DNAH8: variants seen among roughly 807,000 people sequenced by gnomAD.
DNAH8 encodes the protein dynein axonemal heavy chain 8.
In DNAH8, 382 loss-of-function variants were observed where a neutral mutation model predicts 562.1. That is an observed-to-expected ratio of 0.68 (90% confidence interval 0.63 to 0.74). The LOEUF (loss-of-function observed/expected upper bound fraction) is 0.74. Ranked by LOEUF, DNAH8 falls within the 30% of genes least tolerant of loss-of-function variation. DNAH8 has a pLI of 0.00. For missense variants in DNAH8, 5,203 were observed against 5,620.4 expected, an observed-to-expected ratio of 0.93 and a Z score of 2.37; for synonymous variants, 1,881 against 1,919.4, an observed-to-expected ratio of 0.98 and a Z score of 0.52.
In DNAH8 at chr6:38,912,527, T is replaced by A. The variant is rs144583198; in HGVS notation, c.9859+941T>A. On this transcript the variant is annotated intron_variant, in intron 66 of 92. Transcript: ENST00000327475. ...CATAACAGCGCCAAGGTCTGTGAAG[T>A]CATAGTTATGAGAGAAGACTGTGAA... Among the ~76,000 whole-genome samples, 25 of 152,246 alleles carry A rather than the reference T, an allele frequency of 1.6e-4. No individual in the cohort carries two copies. The East Asian group carries it at 4.6e-3, about 28-fold the overall frequency.
chr6:38,882,127 C>A (rs9357288), intron 53 of DNAH8, among the ~76,000 whole-genome samples: 43,102 of 152,006 alleles, frequency 0.28, 7,226 homozygotes, highest in East Asian at 0.81. Context: ...TAAATTAGTG[C>A]AGCCATTACG....
At chr6:38,992,334 C>T (rs1179834147) in intron 88 of DNAH8, among the ~76,000 whole-genome samples, 1 of 152,208 alleles carries the variant, frequency 6.6e-6, no homozygotes, top group East Asian at 1.9e-4. Flanking sequence ...ATAAGTTCCA[C>T]TACACCTGAA....
At chr6:38,851,336 G>C (rs182886288) in intron 38 of DNAH8, among the ~76,000 whole-genome samples, 1 of 152,188 alleles carries the variant, frequency 6.6e-6, no homozygotes, top group Non-Finnish European at 1.5e-5. Flanking sequence ...TGATGAGAAA[G>C]GAGAGGACAG....
rs751210553 is a variant in DNAH8, at chr6:38,737,912, C to G, written c.1056C>G (p.Asn352Lys). 2.1e-5 allele frequency: 34 copies of G among 1,608,174 alleles called. No homozygotes were observed. The highest frequency in any genetic ancestry group is 2.9e-5 in the Non-Finnish European group (34 of 1,177,734). ...TFEEVTAAAS[N>K]SETVHQLEEV... Reference sequence around the variant, plus strand: ...AAGAAGTAACTGCTGCAGCCAGCAACTCAGAAACTGTTCATCAGCTGGAGG... The same window carrying G: ...AAGAAGTAACTGCTGCAGCCAGCAAGTCAGAAACTGTTCATCAGCTGGAGG... The change falls in exon 7 of 93, where the codon AAC becomes AAG. Residue 352 changes from asparagine (N) to lysine (K), a missense_variant. Transcript: ENST00000327475.
At chr6:38,889,039 T>C (rs1332381896) in intron 57 of DNAH8, among the ~76,000 whole-genome samples, 2 of 152,234 alleles carry the variant, frequency 1.3e-5, no homozygotes, top group Non-Finnish European at 2.9e-5. Context: ...CCATCTGTAG[T>C]TGATTTTGCA....
chr6:38,924,495 A>T (rs2150562643), intron 73 of DNAH8, among the ~76,000 whole-genome samples: 1 of 147,260 alleles, frequency 6.8e-6, no homozygotes, highest in African/African-American at 2.4e-5. Flanking sequence ...CAAGAGAGAA[A>T]CTCCATCCCC....
intron 72 of DNAH8, 102 bp downstream of exon 72, chr6:38,923,287 A>T: frequency 7.1e-7 from 1 of 1,411,514 alleles, no homozygotes; most frequent in Non-Finnish European, 9.6e-7. Context: ...CATCTATGAC[A>T]GTGCTTGCAA....
At chr6:38,826,613 T>G (rs1384628046) in intron 29 of DNAH8, among the ~76,000 whole-genome samples, 1 of 152,164 alleles carries the variant, frequency 6.6e-6, no homozygotes, top group Non-Finnish European at 1.5e-5. Context: ...GTTAATATAT[T>G]AATAATGCTA....
rs143694274 is a variant in DNAH8 at position 39,019,363 on chromosome 6, ACT to A, written c.13714+6731_13714+6732del. ...AGGGCATTCCCATTTGATGCTTTCT[ACT>A]CTCTGTCTGAAGCAGGAGGTGAGGT... On this transcript the variant is annotated intron_variant, in intron 91 of 92. Transcript: ENST00000327475. 5.1e-3 allele frequency among the ~76,000 whole-genome samples: 781 copies of A among 152,246 alleles called. 5 individuals carry two copies. The highest frequency in any genetic ancestry group is 0.018 in the African/African-American group (736 of 41,546).
At position 38,929,701 on chromosome 6, in the gene DNAH8, G is replaced by GAA; in HGVS notation, c.11274+37_11274+38dup. 3 of 1,376,586 alleles carry GAA rather than the reference G, an allele frequency of 2.2e-6. No individual in the cohort carries two copies. The South Asian group carries it at 5.0e-5, about 23-fold the overall frequency. 85.3% of individuals were successfully genotyped at this position (1,376,586 alleles called of 1,614,324 possible). ...GTAAAAAAAAAAAAAAAGAAAGAAA[G>GAA]AAAGAAAAGAAAAAGAAAAAAAGAA... On this transcript the variant is annotated intron_variant, in intron 75 of 92. Transcript: ENST00000327475.
chr6:38,810,770 T>A lies in DNAH8; in HGVS notation c.3257+3054T>A, dbSNP rs74327272. Among the ~76,000 whole-genome samples, 439 of 152,292 alleles carry A rather than the reference T, an allele frequency of 2.9e-3. 5 individuals are homozygous for A. The South Asian group carries it at 0.037, about 13-fold the overall frequency. Reference sequence around the variant, plus strand: ...AAAATAATATATTAAAATAATTTATTTACTGGCATAATTTATTAAAATCTC... The same window carrying A: ...AAAATAATATATTAAAATAATTTATATACTGGCATAATTTATTAAAATCTC... On this transcript the variant is annotated intron_variant, in intron 24 of 92. Coordinates refer to ENST00000327475, the MANE Select transcript of DNAH8 (RefSeq NM_001206927.2).
At chr6:38,880,398 T>C (rs1778382292) in intron 53 of DNAH8, among the ~76,000 whole-genome samples, 1 of 152,136 alleles carries the variant, frequency 6.6e-6, no homozygotes, top group East Asian at 1.9e-4. Context: ...ATTTAAACAT[T>C]ATTTAAAGAT....
chr6:38,780,875 G>A (rs370845827), intron 15 of DNAH8, among the ~76,000 whole-genome samples: 9 of 151,938 alleles, frequency 5.9e-5, no homozygotes, highest in South Asian at 2.1e-4. Flanking sequence ...TATTGCCCCC[G>A]TTTTCTGGTG....
At chr6:38,978,098 G>A (rs1267379511) in intron 85 of DNAH8, among the ~76,000 whole-genome samples, 1 of 152,188 alleles carries the variant, frequency 6.6e-6, no homozygotes, top group Non-Finnish European at 1.5e-5. Flanking sequence ...ACATTGAACT[G>A]CGTATTTCTT....
intron 82 of DNAH8, among the ~76,000 whole-genome samples, chr6:38,969,593 C>T (rs894760795): frequency 6.6e-6 from 1 of 150,658 alleles, no homozygotes; most frequent in Non-Finnish European, 1.5e-5. Flanking sequence ...GGGAGTGAGT[C>T]TGGAACTCTG....
In DNAH8 at chr6:38,894,879, A is replaced by G. The variant is rs901881796; in HGVS notation, c.8747+15A>G. ...ATTGCAGACAGGTGCGTGTTGCGGC[A>G]CTAGAGTTTAAATGTATGACCTGAG... On this transcript the variant is annotated intron_variant, in intron 59 of 92. Transcript: ENST00000327475. The G allele has an allele frequency of 6.2e-7, 1 of 1,607,170 alleles. No homozygotes were observed. Among genetic ancestry groups the G allele is most frequent in the African/African-American group, 1.3e-5 (1 of 74,760 alleles).
Position 38,829,422 on chromosome 6 carries a change from A to C in DNAH8, c.4188+1134A>C, listed in dbSNP as rs574557225. On this transcript the variant is annotated intron_variant, in intron 30 of 92. Coordinates refer to ENST00000327475, the MANE Select transcript of DNAH8 (RefSeq NM_001206927.2). ...AAACCATTGCCCAATCTAGAGTTAC[A>C]AAGATTTACTGCCATGTTTTCTTAT... Among the ~76,000 whole-genome samples the C allele has an allele frequency of 1.8e-3, 279 of 152,308 alleles. 1 individual carries two copies. Among genetic ancestry groups the C allele is most frequent in the African/African-American group, 6.4e-3 (266 of 41,586 alleles).
rs76681018 is a variant in DNAH8, at chr6:38,871,088, G to A, written c.6990+526G>A. On this transcript the variant is annotated intron_variant, in intron 49 of 92. Coordinates refer to ENST00000327475, the MANE Select transcript of DNAH8 (RefSeq NM_001206927.2). ...TAACCACTTGATTGGATTACCAGTAGAATCAAGAACTTGTAGCAGAGACAC... is the reference window on the plus strand; with the variant it reads ...TAACCACTTGATTGGATTACCAGTAAAATCAAGAACTTGTAGCAGAGACAC... Among the ~76,000 whole-genome samples the A allele has an allele frequency of 5.3e-3, 810 of 152,306 alleles. 11 individuals carry two copies. Among genetic ancestry groups the A allele is most frequent in the African/African-American group, 0.018 (743 of 41,570 alleles).
At chr6:38,980,348 A>G (rs1294010396) in intron 85 of DNAH8, among the ~76,000 whole-genome samples, 2 of 152,164 alleles carry the variant, frequency 1.3e-5, no homozygotes, top group Non-Finnish European at 2.9e-5. Context: ...GGCAACATGA[A>G]TGCTGGGACT....
Sources: gnomAD v4.1 joint callset for allele counts (sites outside exome capture counted in the v4.1 genomes callset) on GRCh38, gnomAD v4.1.1 for gene constraint, MANE v1.5 for transcripts, NCBI Gene and HGNC (gene_info 2026-07-23, HGNC 2026-07-21) for gene names.